RGS7: variants seen among roughly 807,000 people sequenced by gnomAD.
The protein encoded by RGS7 is regulator of G protein signaling 7, also known as regulator of G-protein signaling 7.
RGS7 carries 27 observed loss-of-function variants against 81.1 expected under a neutral mutation model. The ratio of observed to expected loss-of-function variants is 0.33; its 90% confidence interval spans 0.25 to 0.46. The LOEUF (loss-of-function observed/expected upper bound fraction) is 0.46, where lower values mean the gene tolerates loss of function less well. Ranked by LOEUF, RGS7 falls within the 20% of genes least tolerant of loss-of-function variation. RGS7 has a pLI of 1.00. For missense variants in RGS7, 396 were observed against 607.4 expected (o/e 0.65, Z 3.66); for synonymous variants, 208 against 207.7 (o/e 1.00, Z -0.01).
chr1:240,963,001 TGATTAGA>T (rs1681713175), intron 4 of RGS7, among the ~76,000 whole-genome samples: 1 of 152,136 alleles, frequency 6.6e-6, no homozygotes, highest in African/African-American at 2.4e-5. Flanking sequence ...AGAAGAGACA[TGATTAGA>T]TCTGAGTTTT....
chr1:241,192,399 G>C (rs1288812120), intron 2 of RGS7, among the ~76,000 whole-genome samples: 1 of 151,962 alleles, frequency 6.6e-6, no homozygotes, highest in East Asian at 1.9e-4. Context: ...TGGTTTTTCA[G>C]GTCCCAAAGG....
chr1:240,791,855 T>G (rs1311817494), intron 18 of RGS7, among the ~76,000 whole-genome samples: 2 of 152,190 alleles, frequency 1.3e-5, no homozygotes, highest in African/African-American at 4.8e-5. Flanking sequence ...AAAAATAATG[T>G]GCAAATATTA....
intron 2 of RGS7, among the ~76,000 whole-genome samples, chr1:241,293,994 T>C (rs2079242484): frequency 6.6e-6 from 1 of 152,246 alleles, no homozygotes; most frequent in South Asian, 2.1e-4. Flanking sequence ...TGCACTTGTA[T>C]GTTTATTGCA....
At chr1:241,176,439 A>G (rs1269371356) in intron 2 of RGS7, among the ~76,000 whole-genome samples, 1 of 152,180 alleles carries the variant, frequency 6.6e-6, no homozygotes, top group Non-Finnish European at 1.5e-5. Context: ...TTTCTGGGTC[A>G]GTGTCTTCTG....
intron 10 of RGS7, among the ~76,000 whole-genome samples, chr1:240,824,993 G>A (rs983773928): frequency 6.6e-6 from 1 of 152,132 alleles, no homozygotes; most frequent in Non-Finnish European, 1.5e-5. Flanking sequence ...CCCTGATCTC[G>A]AACTTCTAGT....
intron 4 of RGS7, among the ~76,000 whole-genome samples, chr1:240,980,070 C>A (rs1459438132): frequency 6.6e-6 from 1 of 152,100 alleles, no homozygotes; most frequent in East Asian, 1.9e-4. Flanking sequence ...TAAAAAAAAT[C>A]CAAAATTTTA....
chr1:241,192,157 C>G (rs961265497), intron 2 of RGS7, among the ~76,000 whole-genome samples: 3 of 86,658 alleles, frequency 3.5e-5, no homozygotes, highest in Non-Finnish European at 7.4e-5. Context: ...CTAGAGAAAA[C>G]AGGTGTGTGT....
intron 2 of RGS7, among the ~76,000 whole-genome samples, chr1:241,221,947 C>A (rs1191196927): frequency 2.0e-5 from 3 of 152,118 alleles, no homozygotes; most frequent in Non-Finnish European, 4.4e-5. Context: ...CACATATACA[C>A]TTTATACACA....
At chr1:241,069,319 C>G (rs2062286353) in intron 3 of RGS7, among the ~76,000 whole-genome samples, 2 of 152,116 alleles carry the variant, frequency 1.3e-5, no homozygotes, top group South Asian at 4.1e-4. Context: ...TCCAGAGATA[C>G]AATGCTGACA....
At chr1:240,903,528 A>T (rs1234174392) in intron 6 of RGS7, among the ~76,000 whole-genome samples, 1 of 151,950 alleles carries the variant, frequency 6.6e-6, no homozygotes, top group Non-Finnish European at 1.5e-5. Context: ...AAAATAAATA[A>T]TTATAGATAA....
intron 6 of RGS7, among the ~76,000 whole-genome samples, chr1:240,900,569 T>C (rs948502365): frequency 6.6e-6 from 1 of 152,192 alleles, no homozygotes; most frequent in Non-Finnish European, 1.5e-5. Context: ...CTCCAGACCC[T>C]GTTTGCCTGG....
At chr1:241,305,071 A>G (rs978824737) in intron 2 of RGS7, among the ~76,000 whole-genome samples, 1 of 152,250 alleles carries the variant, frequency 6.6e-6, no homozygotes, top group Admixed American at 6.5e-5. Flanking sequence ...TAAATGGTAC[A>G]TGCTTCATTT....
At position 240,821,469 on chromosome 1, in the gene RGS7, C is replaced by T. The variant is rs114574399; in HGVS notation, c.685-5054G>A. On this transcript the variant is annotated intron_variant, in intron 10 of 18. Coordinates refer to ENST00000440928, the MANE Select transcript of RGS7 (RefSeq NM_001364886.1). ...ACTCCATTTCAAAAAAAGAAAACTC[C>T]CCTCTTTATTCATTTTCATTTGAGC... Among the ~76,000 whole-genome samples, 1,195 of 152,200 alleles carry T rather than the reference C, an allele frequency of 7.9e-3. 18 individuals are homozygous for T. Among genetic ancestry groups the T allele is most frequent in the African/African-American group, 0.027 (1,127 of 41,542 alleles).
intron 2 of RGS7, among the ~76,000 whole-genome samples, chr1:241,261,464 T>G (rs917643509): frequency 6.9e-6 from 1 of 144,938 alleles, no homozygotes; most frequent in African/African-American, 2.5e-5. Flanking sequence ...TACTAAAAAA[T>G]AAAAAAAAAA....
chr1:240,897,860 C>A (rs1484721617), intron 6 of RGS7, among the ~76,000 whole-genome samples: 2 of 152,128 alleles, frequency 1.3e-5, no homozygotes, highest in Non-Finnish European at 2.9e-5. Context: ...AGGAATGGTA[C>A]CAGCTCCTCT....
At chr1:240,907,243 A>C (rs1284739934) in intron 6 of RGS7, among the ~76,000 whole-genome samples, 1 of 152,200 alleles carries the variant, frequency 6.6e-6, no homozygotes, top group African/African-American at 2.4e-5. Flanking sequence ...ATGTCAAAAC[A>C]TGGTTAGGGT....
At position 240,775,843 on chromosome 1, in the gene RGS7, G is replaced by C; in HGVS notation, c.*377C>G. ...TGACTGACTGAATTTTCAGTGAACT[G>C]TGTGTCTAACTGAAGCTTTGAGAGA... On this transcript the variant is annotated 3_prime_UTR_variant, in exon 19 of 19. Coordinates refer to ENST00000440928, the MANE Select transcript of RGS7 (RefSeq NM_001364886.1). 1 of 296,634 alleles carries C rather than the reference G, an allele frequency of 3.4e-6. No homozygotes were observed. Among genetic ancestry groups the C allele is most frequent in the East Asian group, 6.7e-5 (1 of 14,830 alleles). 18.4% of individuals were successfully genotyped at this position (296,634 alleles called of 1,614,324 possible). A position where few individuals can be genotyped will look rare whatever the true frequency, so the allele number is the denominator to read the frequency against.
chr1:240,797,625 TACAGGC>T (rs1300704848), intron 18 of RGS7, among the ~76,000 whole-genome samples: 1 of 152,204 alleles, frequency 6.6e-6, no homozygotes, highest in African/African-American at 2.4e-5. Context: ...GTGCTGGGAT[TACAGGC>T]ATGAGCCACC....
rs377561476 is a variant in RGS7 at position 240,886,759 on chromosome 1, T to C, written c.386-16640A>G. Among the ~76,000 whole-genome samples the C allele has an allele frequency of 2.3e-4, 35 of 152,324 alleles. No individual in the cohort carries two copies. The East Asian group carries it at 3.7e-3, about 16-fold the overall frequency. On this transcript the variant is annotated intron_variant, in intron 6 of 18. Coordinates refer to ENST00000440928, the MANE Select transcript of RGS7 (RefSeq NM_001364886.1). The stretch of plus-strand genomic sequence containing the variant: ...TGCCTAGAATAGAAAAAGGGCAATT[T>C]TCAATCTTTTTCTCCCCAAAAGGCC...
Sources: allele counts gnomAD v4.1 joint callset (sites outside exome capture counted in the v4.1 genomes callset), GRCh38; gene constraint gnomAD v4.1.1; transcripts MANE v1.5; gene names NCBI Gene and HGNC (gene_info 2026-07-23, HGNC 2026-07-21).